The following USP31 variants were observed in gnomAD, a reference collection of about 807,000 sequenced individuals.
USP31 encodes the protein ubiquitin specific peptidase 31, also known as ubiquitin carboxyl-terminal hydrolase 31.
USP31 carries 44 observed loss-of-function variants against 119.4 expected under a neutral mutation model. The observed-to-expected ratio is 0.37, with a 90% CI of 0.29 to 0.47. The LOEUF is 0.47. Ranked by LOEUF, USP31 falls within the 20% of genes least tolerant of loss-of-function variation. The pLI, the probability that USP31 is intolerant of heterozygous loss-of-function variation, is 0.99. For missense variants in USP31, 1,643 were observed against 1,730.2 expected (o/e 0.95, Z 0.89); for synonymous variants, 749 against 705.6 (o/e 1.06, Z -0.97).
intron 1 of USP31, among the ~76,000 whole-genome samples, chr16:23,131,350 G>T (rs1903025310): frequency 6.6e-6 from 1 of 152,042 alleles, no homozygotes; most frequent in African/African-American, 2.4e-5. Flanking sequence ...GTAGACACAG[G>T]ATCTTGTTAT....
At chr16:23,084,634 G>A (rs1901012818) in intron 11 of USP31, among the ~76,000 whole-genome samples, 1 of 152,010 alleles carries the variant, frequency 6.6e-6, no homozygotes, top group African/African-American at 2.4e-5. Context: ...AACTATGAAG[G>A]TTCATTTCCA....
At chr16:23,126,728 C>T (rs959939198) in intron 1 of USP31, among the ~76,000 whole-genome samples, 1 of 152,110 alleles carries the variant, frequency 6.6e-6, no homozygotes, top group Non-Finnish European at 1.5e-5. Flanking sequence ...ACACATGCAT[C>T]TACCTTACAA....
rs1437597985 is a variant in USP31 at position 23,134,676 on chromosome 16, A to T, written c.633+13962T>A. 2.8e-3 allele frequency among the ~76,000 whole-genome samples: 254 copies of T among 91,036 alleles called. 3 individuals are homozygous for T. Among genetic ancestry groups the T allele is most frequent in the African/African-American group, 8.4e-3 (240 of 28,686 alleles). 59.7% of individuals were successfully genotyped at this position (91,036 alleles called of 152,430 possible). A position where few individuals can be genotyped will look rare whatever the true frequency, so the allele number is the denominator to read the frequency against. On this transcript the variant is annotated intron_variant, in intron 1 of 15. Transcript: ENST00000219689. The stretch of plus-strand genomic sequence containing the variant: ...TTAGAACACAGTAGAAACAAAGCTA[A>T]AAAAAAAAAAAAAAGAAAGAAAGAA...
At chr16:23,083,693 GGC>G (rs1160892913) in intron 11 of USP31, among the ~76,000 whole-genome samples, 1 of 69,814 alleles carries the variant, frequency 1.4e-5, no homozygotes, top group African/African-American at 5.8e-5. Flanking sequence ...GTGCAAACCT[GGC>G]GGGGGGGGGG....
rs762310994 is a variant in USP31, at chr16:23,073,783, G to A, written c.2274C>T (p.Tyr758=). ...SEDEVCTQTA[Y]ILFYQRRTAI... is the part of the protein sequence containing the mutation. ...CTGTCCGCCTCTGGTAGAAGAGGAT[G>A]TATGCTGTCTGCGTGCAGACCTCAT... The change falls in exon 14 of 16, where the codon TAC becomes TAT. Residue 758 remains tyrosine, a synonymous_variant. Coordinates refer to ENST00000219689, the MANE Select transcript of USP31 (RefSeq NM_020718.4). 8.1e-6 allele frequency: 13 copies of A among 1,614,106 alleles called. 1 individual carries two copies. In the South Asian group the frequency reaches 1.3e-4, roughly 16 times the overall value.
chr16:23,101,021 G>A (rs1031184307), intron 6 of USP31, among the ~76,000 whole-genome samples: 2 of 152,154 alleles, frequency 1.3e-5, no homozygotes, highest in African/African-American at 4.8e-5. Context: ...GGAGGAGGGG[G>A]TTATGCTCCT....
intron 6 of USP31, among the ~76,000 whole-genome samples, chr16:23,099,332 A>T (rs1901749842): frequency 6.6e-6 from 1 of 152,218 alleles, no homozygotes; most frequent in Non-Finnish European, 1.5e-5. Flanking sequence ...GATGCTGGAG[A>T]GGATGTGGAG....
At position 23,149,128 on chromosome 16, in the gene USP31, G is replaced by C. The variant is rs758174616; in HGVS notation, c.143C>G (p.Ala48Gly). 8.8e-6 allele frequency: 11 copies of C among 1,252,774 alleles called. No homozygotes were observed. In the African/African-American group the frequency reaches 1.6e-4, roughly 18 times the overall value. The allele number at this position is 1,252,774 out of a possible 1,614,324, so 77.6% of individuals were successfully genotyped here. ...GGAGGGCGAGGAGGGCGAGGAAGGC[G>C]CGGCCGGCCCGGACGCCCCGGGGCC... ...AGGPGASGPA[A>G]PSSPSSPSSA... The change falls in exon 1 of 16, where the codon GCG (alanine) becomes GGG (glycine). Residue 48 changes from alanine (A) to glycine (G), a missense_variant. Around this residue, in one of 5 missense-constraint regions of USP31, gnomAD observed 302 missense variants for 262.6 expected, o/e 1.15. Coordinates refer to ENST00000219689, the MANE Select transcript of USP31 (RefSeq NM_020718.4).
At chr16:23,111,738 A>G (rs767687101) in intron 1 of USP31, among the ~76,000 whole-genome samples, 2 of 152,168 alleles carry the variant, frequency 1.3e-5, no homozygotes, top group Non-Finnish European at 2.9e-5. Flanking sequence ...GAAGCCCAAG[A>G]AAAAAACCAT....
chr16:23,122,467 C>T (rs1202692090), intron 1 of USP31, among the ~76,000 whole-genome samples: 1 of 152,050 alleles, frequency 6.6e-6, no homozygotes, highest in Non-Finnish European at 1.5e-5. Flanking sequence ...AAAATATACC[C>T]GAGGAACAAA....
intron 2 of USP31, among the ~76,000 whole-genome samples, chr16:23,106,930 T>C (rs538548197): frequency 5.1e-4 from 78 of 152,054 alleles, no homozygotes; most frequent in African/African-American, 1.4e-3. Flanking sequence ...CTGACCAACA[T>C]GGAGAAACCC....
chr16:23,110,220 T>C (rs1055943588), intron 1 of USP31, among the ~76,000 whole-genome samples: 8 of 152,174 alleles, frequency 5.3e-5, no homozygotes, highest in African/African-American at 1.9e-4. Flanking sequence ...ATATATATAT[T>C]TACAAACTTT....
At chr16:23,087,218 A>G (rs1042339939) in intron 8 of USP31, 32 bp from the exon 9 acceptor site, 1 of 1,597,298 alleles carries the variant, frequency 6.3e-7, no homozygotes, top group South Asian at 1.1e-5. Context: ...AATTAAGCCA[A>G]ATTTTTCTTC....
In USP31 at chr16:23,065,017, C is replaced by T. The variant is rs1338584444; in HGVS notation, c.*3029G>A. On this transcript the variant is annotated 3_prime_UTR_variant, in exon 16 of 16. Coordinates refer to ENST00000219689, the MANE Select transcript of USP31 (RefSeq NM_020718.4). ...GGAAATGGTCTAAGATGACTGGAGC[C>T]TAACGGTTTGAGTTTCCACATTATC... The T allele has an allele frequency of 6.6e-6, 1 of 152,134 alleles. No homozygotes were observed. The highest frequency in any genetic ancestry group is 2.4e-5 in the African/African-American group (1 of 41,408). The allele number at this position is 152,134 out of a possible 1,614,324, so 9.4% of individuals were successfully genotyped here.
At chr16:23,071,360 TC>T (rs1398040199) in intron 15 of USP31, among the ~76,000 whole-genome samples, 1 of 151,378 alleles carries the variant, frequency 6.6e-6, no homozygotes, top group Non-Finnish European at 1.5e-5. Flanking sequence ...CTGCACTCAC[TC>T]CTTCCAGCTC....
chr16:23,069,674 C>A lies in USP31; in HGVS notation c.2489-58G>T, dbSNP rs542428418. On this transcript the variant is annotated intron_variant, in intron 15 of 15. Coordinates refer to ENST00000219689, the MANE Select transcript of USP31 (RefSeq NM_020718.4). ...AGCCAATGAAGACATTCTAACAACA[C>A]TGTAAGACACTGAAGGTGAAACGAA... 4.6e-6 allele frequency: 7 copies of A among 1,522,538 alleles called. No individual in the cohort carries two copies. The African/African-American group carries it at 9.7e-5, about 21-fold the overall frequency. 94.3% of individuals were successfully genotyped at this position (1,522,538 alleles called of 1,614,324 possible).
At chr16:23,133,888 C>A (rs994913574) in intron 1 of USP31, among the ~76,000 whole-genome samples, 1 of 152,090 alleles carries the variant, frequency 6.6e-6, no homozygotes, top group Non-Finnish European at 1.5e-5. Context: ...CCAGCCTGGG[C>A]AACATGGCAA....
chr16:23,108,697 T>C (rs1420358735), intron 1 of USP31, among the ~76,000 whole-genome samples: 1 of 152,160 alleles, frequency 6.6e-6, no homozygotes, highest in East Asian at 1.9e-4. Flanking sequence ...AAAGAAAAAG[T>C]TCTAAACACA....
chr16:23,108,910 T>A (rs1277238546), intron 1 of USP31, among the ~76,000 whole-genome samples: 1 of 152,186 alleles, frequency 6.6e-6, no homozygotes, highest in South Asian at 2.1e-4. Context: ...ACTTCAAGAT[T>A]CATCACTCAT....
Sources: gnomAD v4.1 joint callset for allele counts (sites outside exome capture counted in the v4.1 genomes callset) on GRCh38, gnomAD v4.1.1 for gene constraint, gnomAD v4.1.1 regional missense constraint, MANE v1.5 for transcripts, NCBI Gene and HGNC (gene_info 2026-07-23, HGNC 2026-07-21) for gene names.